Variants in AUH observed in about 807,000 individuals in gnomAD.
AUH encodes the protein AU RNA binding methylglutaconyl-CoA hydratase.
In AUH, 29 loss-of-function variants were observed where a neutral mutation model predicts 42.3. The ratio of observed to expected loss-of-function variants is 0.69; its 90% CI spans 0.51 to 0.93. The LOEUF is 0.93. Among genes scored for constraint, AUH ranks in the 40% least tolerant of loss-of-function variants. AUH has a pLI of 0.00. For synonymous variants in AUH, 174 were observed against 166.4 expected (o/e 1.05, Z -0.35); for missense variants, 452 against 438.1 (o/e 1.03, Z -0.28).
At chr9:91,269,007 G>A (rs1824891543) in intron 6 of AUH, among the ~76,000 whole-genome samples, 2 of 151,540 alleles carry the variant, frequency 1.3e-5, no homozygotes, top group African/African-American at 2.4e-5. Context: ...TTGAGATGGA[G>A]TCTCGCTCTG....
intron 6 of AUH, among the ~76,000 whole-genome samples, chr9:91,239,766 C>T (rs1277660796): frequency 2.0e-5 from 3 of 152,122 alleles, no homozygotes; most frequent in Non-Finnish European, 4.4e-5. Flanking sequence ...CATGCACACA[C>T]GCACGCACAA....
At chr9:91,269,307 G>C (rs1025375116) in intron 6 of AUH, among the ~76,000 whole-genome samples, 1 of 152,202 alleles carries the variant, frequency 6.6e-6, no homozygotes, top group Non-Finnish European at 1.5e-5. Flanking sequence ...AAGCATCTAA[G>C]AAACCAGTCT....
chr9:91,298,696 G>C lies in AUH; in HGVS notation c.506-620C>G, dbSNP rs369115601. On this transcript the variant is annotated intron_variant, in intron 4 of 9. Transcript: ENST00000375731. ...CACAAGCATGCCTGGAAAGGGGTCA[G>C]CCAGTCACAGAACTAAAAGCTCAAC... 1.3e-4 allele frequency among the ~76,000 whole-genome samples: 20 copies of C among 152,316 alleles called. No homozygotes were observed. The East Asian group carries it at 2.5e-3, about 19-fold the overall frequency.
intron 1 of AUH, among the ~76,000 whole-genome samples, chr9:91,359,686 AC>A (rs1270659888): frequency 1.3e-5 from 2 of 152,092 alleles, no homozygotes; most frequent in South Asian, 2.1e-4. Flanking sequence ...TGCACTACTT[AC>A]CCCCACCCAC....
chr9:91,313,617 A>G (rs1225107403), intron 4 of AUH, among the ~76,000 whole-genome samples: 5 of 148,086 alleles, frequency 3.4e-5, no homozygotes, highest in Non-Finnish European at 7.4e-5. Context: ...AGGCAGGAGA[A>G]TGGCGTGAAC....
At chr9:91,226,454 C>A (rs1353420980) in intron 6 of AUH, among the ~76,000 whole-genome samples, 1 of 151,692 alleles carries the variant, frequency 6.6e-6, no homozygotes, top group African/African-American at 2.4e-5. Flanking sequence ...GATATTAGCC[C>A]TTTGTCAGAT....
At chr9:91,320,497 C>A (rs1462418174) in intron 4 of AUH, among the ~76,000 whole-genome samples, 1 of 152,196 alleles carries the variant, frequency 6.6e-6, no homozygotes, top group Non-Finnish European at 1.5e-5. Context: ...ACCAATCCAG[C>A]TGTTTCTGCA....
At chr9:91,348,286 G>T (rs181138341) in intron 3 of AUH, among the ~76,000 whole-genome samples, 59 of 152,246 alleles carry the variant, frequency 3.9e-4, no homozygotes, top group Middle Eastern at 3.4e-3. Flanking sequence ...CATGTGGAAC[G>T]CCTGAAACTC....
intron 3 of AUH, among the ~76,000 whole-genome samples, chr9:91,349,525 A>C (rs1831786451): frequency 6.6e-6 from 1 of 152,254 alleles, no homozygotes; most frequent in Non-Finnish European, 1.5e-5. Flanking sequence ...TCACATTTAC[A>C]TCCAACGCAG....
Position 91,357,278 on chromosome 9 carries a change from G to A in AUH, c.263-1123C>T, listed in dbSNP as rs368323432. Among the ~76,000 whole-genome samples the A allele has an allele frequency of 4.6e-5, 7 of 152,304 alleles. No individual in the cohort carries two copies. The East Asian group carries it at 9.6e-4, about 21-fold the overall frequency. Reference sequence around the variant, plus strand: ...ATGTAATCCCCACCACAACCCAAGAGGTGGGCACTACTTTTATCAATAGTT... The same window carrying A: ...ATGTAATCCCCACCACAACCCAAGAAGTGGGCACTACTTTTATCAATAGTT... On this transcript the variant is annotated intron_variant, in intron 1 of 9. Coordinates refer to ENST00000375731, the MANE Select transcript of AUH (RefSeq NM_001698.3).
intron 6 of AUH, among the ~76,000 whole-genome samples, chr9:91,231,926 C>A (rs910906278): frequency 1.3e-5 from 2 of 152,180 alleles, no homozygotes; most frequent in African/African-American, 4.8e-5. Flanking sequence ...GGATAGCTCA[C>A]AAGGCTTCCA....
At chr9:91,277,974 C>G (rs879782531) in intron 6 of AUH, among the ~76,000 whole-genome samples, 1 of 152,184 alleles carries the variant, frequency 6.6e-6, no homozygotes, top group Admixed American at 6.5e-5. Context: ...CAAGGGGACA[C>G]AGGCTCTGAG....
intron 4 of AUH, among the ~76,000 whole-genome samples, chr9:91,312,538 G>C (rs911723841): frequency 3.9e-5 from 6 of 152,180 alleles, no homozygotes; most frequent in Non-Finnish European, 8.8e-5. Flanking sequence ...GACCAGCCTG[G>C]CCAACATGGC....
chr9:91,266,343 C>T (rs1188965543), intron 6 of AUH, among the ~76,000 whole-genome samples: 1 of 151,176 alleles, frequency 6.6e-6, no homozygotes, highest in Admixed American at 6.6e-5. Context: ...GCCTGGGTAA[C>T]AGTGTGAGAC....
intron 1 of AUH, among the ~76,000 whole-genome samples, chr9:91,359,284 C>T (rs1832672079): frequency 6.6e-6 from 1 of 152,182 alleles, no homozygotes; most frequent in African/African-American, 2.4e-5. Flanking sequence ...CAGCTCATTC[C>T]CTTCCCCAGA....
rs200200059 is a variant in AUH, at chr9:91,347,916, T to TA, written c.418+7966dup. Among the ~76,000 whole-genome samples, 1,156 of 151,358 alleles carry TA rather than the reference T, an allele frequency of 7.6e-3. 15 individuals are homozygous for TA. Among genetic ancestry groups the TA allele is most frequent in the East Asian group, 0.044 (223 of 5,092 alleles). ...ACGTACCCTAGAACTTAAAGTATAA[T>TA]AAAAAAAAGAAACAATATGTAAATT... On this transcript the variant is annotated intron_variant, in intron 3 of 9. Coordinates refer to ENST00000375731, the MANE Select transcript of AUH (RefSeq NM_001698.3).
At chr9:91,345,629 C>A (rs529625499) in intron 3 of AUH, among the ~76,000 whole-genome samples, 1 of 151,748 alleles carries the variant, frequency 6.6e-6, no homozygotes, top group Non-Finnish European at 1.5e-5. Flanking sequence ...ATCAGGAGAT[C>A]GAGACCATCC....
intron 6 of AUH, chr9:91,294,861 A>C: frequency 2.3e-6 from 1 of 430,776 alleles, no homozygotes; most frequent in Non-Finnish European, 4.7e-6. Context: ...GACGTGACTG[A>C]ATTTCTGAAG....
intron 4 of AUH, among the ~76,000 whole-genome samples, chr9:91,302,210 G>A (rs1371491303): frequency 1.3e-5 from 2 of 152,026 alleles, no homozygotes; most frequent in Non-Finnish European, 2.9e-5. Flanking sequence ...GCTCATGCCT[G>A]TAATCCCAGC....
Sources: allele counts gnomAD v4.1 joint callset (sites outside exome capture counted in the v4.1 genomes callset), GRCh38; gene constraint gnomAD v4.1.1; transcripts MANE v1.5; gene names NCBI Gene and HGNC (gene_info 2026-07-23, HGNC 2026-07-21).